The following ZNF418 variants were observed in gnomAD, a reference collection of about 807,000 sequenced individuals.
The protein encoded by ZNF418 is zinc finger protein 418.
ZNF418 carries 32 observed loss-of-function variants against 32.0 expected under a neutral mutation model. The ratio of observed to expected loss-of-function variants is 1.00; its 90% CI spans 0.75 to 1.34. The LOEUF is 1.34. Ranked by LOEUF, ZNF418 falls within the 40% of genes most tolerant of loss-of-function variation. ZNF418 has a pLI of 0.00. For synonymous variants in ZNF418, 276 were observed against 270.7 expected (o/e 1.02, Z -0.19); for missense variants, 804 against 812.5 (o/e 0.99, Z 0.13).
intron 4 of ZNF418, among the ~76,000 whole-genome samples, chr19:57,925,235 C>T (rs1472163049): frequency 2.0e-5 from 3 of 152,068 alleles, no homozygotes; most frequent in Non-Finnish European, 4.4e-5. Flanking sequence ...CCAAGGAGGG[C>T]AGATCATGAG....
Position 57,926,682 on chromosome 19 carries a change from T to G in ZNF418, c.1499A>C (p.His500Pro). 1 of 1,614,176 alleles carries G rather than the reference T, an allele frequency of 6.2e-7. No homozygotes were observed. The highest frequency in any genetic ancestry group is 1.3e-5 in the African/African-American group (1 of 75,040). The change falls in exon 4 of 6, where the codon CAT (histidine) becomes CCT (proline). Residue 500 changes from histidine (H) to proline (P), a missense_variant. Transcript: ENST00000396147. ...TTTTTCTCCAGTGTGAACTCTCTGA[T>G]GAACACGAAACCCAGAGCTGTCTTG... Reference protein sequence around the residue: ...SFQDSSGFRVHQRVHTGEKPF... With the variant: ...SFQDSSGFRVPQRVHTGEKPF...
At chr19:57,924,652 C>A (rs1544930) in intron 4 of ZNF418, among the ~76,000 whole-genome samples, 1 of 152,016 alleles carries the variant, frequency 6.6e-6, no homozygotes, top group East Asian at 1.9e-4. Context: ...GGACACCACA[C>A]TACGAAACTC....
intron 2 of ZNF418, 43 bp from the exon 3 acceptor site, chr19:57,930,597 C>A: frequency 6.2e-7 from 1 of 1,612,116 alleles, no homozygotes; most frequent in Non-Finnish European, 8.5e-7. Flanking sequence ...AGCTCCTATG[C>A]TGAGGTACCA....
rs371111601 is a variant in ZNF418, at chr19:57,927,743, A to T, written c.438T>A (p.Phe146Leu). The T allele has an allele frequency of 4.3e-6, 7 of 1,614,098 alleles. No homozygotes were observed. Among genetic ancestry groups the T allele is most frequent in the East Asian group, 4.5e-5 (2 of 44,896 alleles). The change falls in exon 4 of 6, where the codon TTT becomes TTA. Residue 146 changes from phenylalanine (F) to leucine (L), a missense_variant. Transcript: ENST00000396147. ...ACACATGGAACTTACACCTCTTCAC[A>T]AACAATGCTTCCTCAACACTGCTTC... ...PYRSSVEEAL[F>L]VKRCKFHVSE...
chr19:57,928,575 C>T (rs2072346040), intron 3 of ZNF418, among the ~76,000 whole-genome samples: 1 of 151,890 alleles, frequency 6.6e-6, no homozygotes, highest in Non-Finnish European at 1.5e-5. Flanking sequence ...ATAACTCTTT[C>T]CTTTGCAAAC....
rs2072523966 is a variant in ZNF418 at position 57,932,449 on chromosome 19, C to T, written c.6+1368G>A. The T allele has an allele frequency of 2.6e-6, 4 of 1,535,388 alleles. No individual in the cohort carries two copies. In the African/African-American group the frequency reaches 4.1e-5, roughly 16 times the overall value. On this transcript the variant is annotated intron_variant, in intron 2 of 5. Transcript: ENST00000396147. Reference sequence around the variant, plus strand: ...TATTACCACAGAATTCTCATGGCTCCCAATAGCAATGCAGTCCCAAGTCAT... The same window carrying T: ...TATTACCACAGAATTCTCATGGCTCTCAATAGCAATGCAGTCCCAAGTCAT...
chr19:57,930,786 TTGTTTTTC>T (rs2072454603), intron 2 of ZNF418, among the ~76,000 whole-genome samples: 2 of 152,124 alleles, frequency 1.3e-5, no homozygotes, highest in African/African-American at 4.8e-5. Context: ...GCTTGTTTTT[TTGTTTTTC>T]TGAGACAGAG....
Position 57,935,275 on chromosome 19 carries a change from A to C in ZNF418, c.-195T>G. The C allele has an allele frequency of 9.1e-7, 1 of 1,093,400 alleles. No individual in the cohort carries two copies. The highest frequency in any genetic ancestry group is 1.1e-6 in the Non-Finnish European group (1 of 886,082). 67.7% of individuals were successfully genotyped at this position (1,093,400 alleles called of 1,614,324 possible). A position where few individuals can be genotyped will look rare whatever the true frequency, so the allele number is the denominator to read the frequency against. On this transcript the variant is annotated 5_prime_UTR_variant, in exon 1 of 6. Coordinates refer to ENST00000396147, the MANE Select transcript of ZNF418 (RefSeq NM_133460.3). ...GATCTGCCTCTGTGCAGCAAGAAGGACTCTTCACCTTCTGGGTTCAGACAC... is the reference window on the plus strand; with the variant it reads ...GATCTGCCTCTGTGCAGCAAGAAGGCCTCTTCACCTTCTGGGTTCAGACAC...
rs754944356 is a variant in ZNF418, at chr19:57,927,076, GTCTT to G, written c.1101_1104del (p.Glu367AspfsTer18). On this transcript the variant is annotated frameshift_variant, in exon 4 of 6. Coordinates refer to ENST00000396147, the MANE Select transcript of ZNF418 (RefSeq NM_133460.3). LOFTEE classifies it low-confidence loss of function (END_TRUNC). ...TTTCCACATTCTTCACACTCATAAG[GTCTT>G]TCACTAGTGTGACCTCGTTGATGTT... 1.2e-6 allele frequency: 2 copies of G among 1,614,016 alleles called. No homozygotes were observed. The highest frequency in any genetic ancestry group is 2.2e-5 in the South Asian group (2 of 91,082).
At position 57,927,990 on chromosome 19, in the gene ZNF418, T is replaced by C. The variant is rs1208643101; in HGVS notation, c.191A>G (p.Gln64Arg). Residue 64 changes from glutamine to arginine, a missense_variant, in exon 4 of 6, where the codon CAA becomes CGA. This residue lies in a region of ZNF418 where 307 missense variants were observed against 304.9 expected (regional missense o/e 1.01). Transcript: ENST00000396147. Reference protein sequence around the residue: ...EAPSKKSISIQRVSQVSTPGA... With the variant: ...EAPSKKSISIRRVSQVSTPGA... ...AGGAGTGCTGACCTGAGACACTCTT[T>C]GTATAGAAATGCTCTTCTTAGAAGG... 1.9e-6 allele frequency: 3 copies of C among 1,591,800 alleles called. No individual in the cohort carries two copies. Among genetic ancestry groups the C allele is most frequent in the East Asian group, 4.5e-5 (2 of 44,516 alleles).
Position 57,926,113 on chromosome 19 carries a change from C to A in ZNF418, c.*37G>T, listed in dbSNP as rs2072204812. 1 of 1,532,772 alleles carries A rather than the reference C, an allele frequency of 6.5e-7. No homozygotes were observed. Among genetic ancestry groups the A allele is most frequent in the Non-Finnish European group, 8.9e-7 (1 of 1,122,136 alleles). 94.9% of individuals were successfully genotyped at this position (1,532,772 alleles called of 1,614,324 possible). On this transcript the variant is annotated 3_prime_UTR_variant, in exon 4 of 6. Transcript: ENST00000396147. ...TAAGAACCCTCTGATCAAGAAGATG[C>A]ACAGAGGTTTAGCTAAAGAATTTCC...
chr19:57,925,376 G>A (rs932095950), intron 4 of ZNF418, among the ~76,000 whole-genome samples: 1 of 151,966 alleles, frequency 6.6e-6, no homozygotes, highest in Non-Finnish European at 1.5e-5. Flanking sequence ...CAGGAGAATG[G>A]CGTGAACCCG....
At position 57,929,685 on chromosome 19, in the gene ZNF418, TC is replaced by T. The variant is rs1282186657; in HGVS notation, c.133+742del. Among the ~76,000 whole-genome samples the T allele has an allele frequency of 9.4e-5, 13 of 138,898 alleles. No homozygotes were observed. In the East Asian group the frequency reaches 1.9e-3, roughly 20 times the overall value. 91.1% of individuals were successfully genotyped at this position (138,898 alleles called of 152,430 possible). ...GAAACTAATTACTAAAAACAGAATT[TC>T]TTTTTTTTTTTTTTGAGACGGAGTC... On this transcript the variant is annotated intron_variant, in intron 3 of 5. Transcript: ENST00000396147.
chr19:57,927,579 G>GT lies in ZNF418; in HGVS notation c.601dup (p.Thr201AsnfsTer13), dbSNP rs1568546276. The GT allele has an allele frequency of 1.2e-6, 2 of 1,614,060 alleles. No individual in the cohort carries two copies. Among genetic ancestry groups the GT allele is most frequent in the African/African-American group, 1.3e-5 (1 of 74,916 alleles). The stretch of plus-strand genomic sequence containing the variant: ...CATGCATTCTCCACAGCTGTAATGA[G>GT]TATCTCCCCACTGAAAGGGAGACTC... On this transcript the variant is annotated frameshift_variant, in exon 4 of 6. Transcript: ENST00000396147. LOFTEE classifies it high-confidence loss of function.
rs1001389363 is a variant in ZNF418 at position 57,927,825 on chromosome 19, A to G, written c.356T>C (p.Leu119Ser). 2 of 1,614,076 alleles carry G rather than the reference A, an allele frequency of 1.2e-6. No homozygotes were observed. Among genetic ancestry groups the G allele is most frequent in the African/African-American group, 1.3e-5 (1 of 75,016 alleles). ...GTGCGGACGGTTTGAACTATCATAC[A>G]ATTTATTCCCCCATGCCTCACACCT... ...LHRCEAWGNK[L>S]YDSSNRPHQN... is the part of the protein sequence containing the mutation. The change falls in exon 4 of 6, where the codon TTG (leucine) becomes TCG (serine). Residue 119 changes from leucine to serine, a missense_variant. This residue lies in a region of ZNF418 where 307 missense variants were observed against 304.9 expected (regional missense o/e 1.01). Transcript: ENST00000396147.
intron 1 of ZNF418, 102 bp downstream of exon 1, chr19:57,935,059 C>T (rs2123141052): frequency 7.4e-7 from 1 of 1,344,864 alleles, no homozygotes; most frequent in African/African-American, 1.5e-5. Context: ...AGTGTCCCGA[C>T]GCCGGGTCCG....
chr19:57,932,736 C>A (rs2072533724), intron 2 of ZNF418: 3 of 823,616 alleles, frequency 3.6e-6, no homozygotes, highest in South Asian at 2.1e-5. Context: ...CACAGATAAC[C>A]AAATTTACCC....
At chr19:57,935,100 C>T (rs1459083811) in intron 1 of ZNF418, 61 bp downstream of exon 1, 20 of 1,280,246 alleles carry the variant, frequency 1.6e-5, no homozygotes, top group Non-Finnish European at 1.8e-5. Context: ...TCGCCGCTCT[C>T]TCGCTGCTTC....
Position 57,926,146 on chromosome 19 carries a change from C to A in ZNF418, c.*4G>T. On this transcript the variant is annotated 3_prime_UTR_variant, in exon 4 of 6. Coordinates refer to ENST00000396147, the MANE Select transcript of ZNF418 (RefSeq NM_133460.3). ...TTTAGCTAAAGAATTTCCCAAATTT[C>A]TTTTCACTTGTAAGGACTTCTTTCT... 10 of 1,599,770 alleles carry A rather than the reference C, an allele frequency of 6.3e-6. No individual in the cohort carries two copies. The highest frequency in any genetic ancestry group is 8.5e-6 in the Non-Finnish European group (10 of 1,172,540).
Sources: allele counts gnomAD v4.1 joint callset (sites outside exome capture counted in the v4.1 genomes callset), GRCh38; gene constraint gnomAD v4.1.1; regional missense constraint gnomAD v4.1.1; transcripts MANE v1.5; gene names NCBI Gene and HGNC (gene_info 2026-07-23, HGNC 2026-07-21).